The following SSBP2 variants were observed in gnomAD, a reference collection of about 807,000 sequenced individuals.
SSBP2 encodes single-stranded DNA-binding protein 2.
Under a neutral mutation model 61.8 loss-of-function variants are expected in SSBP2, and 17 were observed. The observed-to-expected ratio is 0.28, with a 90% CI of 0.19 to 0.41. The LOEUF (loss-of-function observed/expected upper bound fraction) is 0.41, where lower values mean the gene tolerates loss of function less well. Ranked by LOEUF, SSBP2 falls within the 10% of genes least tolerant of loss-of-function variation. The pLI, the probability that SSBP2 is intolerant of heterozygous loss-of-function variation, is 1.00. For synonymous variants in SSBP2, 139 were observed against 141.3 expected (o/e 0.98, Z 0.12); for missense variants, 310 against 458.7 (o/e 0.68, Z 2.96).
At chr5:81,628,936 CA>C (rs911906313) in intron 3 of SSBP2, among the ~76,000 whole-genome samples, 1 of 152,134 alleles carries the variant, frequency 6.6e-6, no homozygotes, top group African/African-American at 2.4e-5. Flanking sequence ...CACTCTTCAC[CA>C]ACTTTTCCCC....
chr5:81,532,643 T>C (rs1256008923), intron 4 of SSBP2, among the ~76,000 whole-genome samples: 1 of 151,960 alleles, frequency 6.6e-6, no homozygotes, highest in African/African-American at 2.4e-5. Flanking sequence ...AATCAACATA[T>C]GCTGCTCCAA....
At chr5:81,701,188 T>C (rs1257579594) in intron 1 of SSBP2, among the ~76,000 whole-genome samples, 2 of 152,286 alleles carry the variant, frequency 1.3e-5, no homozygotes, top group South Asian at 2.1e-4. Flanking sequence ...ATTGGCCTAA[T>C]TGTAATACTT....
At chr5:81,747,219 T>C (rs1325944093) in intron 1 of SSBP2, among the ~76,000 whole-genome samples, 1 of 152,162 alleles carries the variant, frequency 6.6e-6, no homozygotes, top group East Asian at 1.9e-4. Context: ...CCTAAATCTG[T>C]AGCATCCTAC....
chr5:81,720,507 T>C (rs547946674), intron 1 of SSBP2, among the ~76,000 whole-genome samples: 3 of 152,320 alleles, frequency 2.0e-5, no homozygotes, highest in Admixed American at 2.0e-4. Flanking sequence ...GCTAAGCTTT[T>C]CAAGTTATAC....
intron 4 of SSBP2, among the ~76,000 whole-genome samples, chr5:81,594,561 G>A (rs1017439019): frequency 1.8e-4 from 27 of 151,972 alleles, no homozygotes; most frequent in African/African-American, 5.3e-4. Flanking sequence ...ACCACACCAT[G>A]CCTACTCCAA....
At chr5:81,485,982 ACT>A (rs1041512461) in intron 6 of SSBP2, among the ~76,000 whole-genome samples, 67 of 152,132 alleles carry the variant, frequency 4.4e-4, no homozygotes, top group African/African-American at 1.5e-3. Flanking sequence ...TATTAACACA[ACT>A]CTTTTTTAAA....
intron 4 of SSBP2, among the ~76,000 whole-genome samples, chr5:81,578,093 A>C (rs1475298828): frequency 6.6e-6 from 1 of 152,098 alleles, no homozygotes; most frequent in Non-Finnish European, 1.5e-5. Context: ...TAGATAGAGC[A>C]AAAGCACACT....
rs181155362 is a variant in SSBP2 at position 81,608,019 on chromosome 5, C to T, written c.282+7454G>A. Among the ~76,000 whole-genome samples the T allele has an allele frequency of 2.1e-3, 322 of 151,874 alleles. 2 individuals are homozygous for T. The highest frequency in any genetic ancestry group is 7.6e-3 in the African/African-American group (313 of 41,438). ...TATTTTCCCTTGTTTTCATGCTAGT[C>T]TCTTCCTTCCTATTACTCCTTAAAT... On this transcript the variant is annotated intron_variant, in intron 4 of 16. Coordinates refer to ENST00000320672, the MANE Select transcript of SSBP2 (RefSeq NM_012446.5).
At chr5:81,474,733 TTAAA>T (rs1765474384) in intron 6 of SSBP2, among the ~76,000 whole-genome samples, 171 bp from the exon 7 acceptor site, 1 of 152,210 alleles carries the variant, frequency 6.6e-6, no homozygotes, top group Admixed American at 6.5e-5. Flanking sequence ...TTTATATACC[TTAAA>T]TAAGTTCTTA....
At chr5:81,598,391 C>T (rs1004666932) in intron 4 of SSBP2, among the ~76,000 whole-genome samples, 1 of 152,084 alleles carries the variant, frequency 6.6e-6, no homozygotes, top group African/African-American at 2.4e-5. Context: ...TTCAAAAATG[C>T]ATAAGAAATA....
At chr5:81,536,887 G>T (rs960956969) in intron 4 of SSBP2, among the ~76,000 whole-genome samples, 1 of 151,934 alleles carries the variant, frequency 6.6e-6, no homozygotes, top group African/African-American at 2.4e-5. Context: ...AGGGTGTGGT[G>T]GTGCTCGCCT....
At chr5:81,584,972 TAAAG>T (rs1774952011) in intron 4 of SSBP2, among the ~76,000 whole-genome samples, 1 of 152,074 alleles carries the variant, frequency 6.6e-6, no homozygotes. Flanking sequence ...TAGTTTAAGA[TAAAG>T]AAATAATAAA....
At chr5:81,682,777 CA>C (rs1226997995) in intron 1 of SSBP2, among the ~76,000 whole-genome samples, 1 of 151,812 alleles carries the variant, frequency 6.6e-6, no homozygotes. Flanking sequence ...AAAGAATAAA[CA>C]AAAAAACACC....
chr5:81,571,673 A>G (rs1158977521), intron 4 of SSBP2, among the ~76,000 whole-genome samples: 4 of 152,200 alleles, frequency 2.6e-5, no homozygotes, highest in Non-Finnish European at 5.9e-5. Flanking sequence ...TTGATGAGGT[A>G]CATGAAAGAT....
chr5:81,540,545 C>A (rs946348200), intron 4 of SSBP2, among the ~76,000 whole-genome samples: 1 of 152,122 alleles, frequency 6.6e-6, no homozygotes, highest in African/African-American at 2.4e-5. Flanking sequence ...TGTCTTCTTT[C>A]GAGAAATGTC....
chr5:81,653,681 C>T (rs1235921951), intron 1 of SSBP2, among the ~76,000 whole-genome samples: 1 of 152,142 alleles, frequency 6.6e-6, no homozygotes, highest in Non-Finnish European at 1.5e-5. Flanking sequence ...TTTTGATTTG[C>T]ATTTCTCTAA....
intron 4 of SSBP2, among the ~76,000 whole-genome samples, chr5:81,573,292 A>G (rs899166923): frequency 1.3e-5 from 2 of 152,262 alleles, no homozygotes; most frequent in Admixed American, 6.5e-5. Flanking sequence ...TATAAACTTG[A>G]TAATGAAATG....
At chr5:81,579,701 T>C (rs1774496882) in intron 4 of SSBP2, among the ~76,000 whole-genome samples, 1 of 152,074 alleles carries the variant, frequency 6.6e-6, no homozygotes, top group Non-Finnish European at 1.5e-5. Flanking sequence ...CCCTTCCACA[T>C]GCACACACCA....
At chr5:81,673,070 T>G (rs2153793320) in intron 1 of SSBP2, among the ~76,000 whole-genome samples, 1 of 151,874 alleles carries the variant, frequency 6.6e-6, no homozygotes, top group African/African-American at 2.4e-5. Flanking sequence ...ACTTCTGACC[T>G]CAGGTAGTGA....
Sources: allele counts gnomAD v4.1 joint callset (sites outside exome capture counted in the v4.1 genomes callset), GRCh38; gene constraint gnomAD v4.1.1; transcripts MANE v1.5; gene names NCBI Gene and HGNC (gene_info 2026-07-23, HGNC 2026-07-21).